AFDN: variants seen among roughly 807,000 people sequenced by gnomAD.
AFDN encodes the protein afadin.
In AFDN, 68 loss-of-function variants were observed where a neutral mutation model predicts 216.6. The ratio of observed to expected loss-of-function variants is 0.31; its 90% confidence interval spans 0.26 to 0.38. AFDN has a LOEUF of 0.38. Among genes scored for constraint, AFDN ranks in the 10% least tolerant of loss-of-function variants. The probability of loss-of-function intolerance (pLI) is 1.00; values close to 1 mark genes in which losing one functional copy is unlikely to be tolerated. For missense variants in AFDN, 2,136 were observed against 2,342.0 expected (o/e 0.91, Z 1.82); for synonymous variants, 868 against 853.7 (o/e 1.02, Z -0.29).
chr6:167,919,072 C>G (rs1414667273), intron 21 of AFDN, 139 bp downstream of exon 21: 3 of 714,058 alleles, frequency 4.2e-6, no homozygotes, highest in Non-Finnish European at 7.1e-6. Flanking sequence ...GTTCCACTGA[C>G]TTGGAGAAAT....
chr6:167,964,210 C>T, intron 31 of AFDN: 2 of 1,063,876 alleles, frequency 1.9e-6, no homozygotes, highest in Non-Finnish European at 2.3e-6. Context: ...ATTTTTATAT[C>T]AGAATGTCCA....
intron 31 of AFDN, among the ~76,000 whole-genome samples, chr6:167,965,312 G>A (rs1407797241): frequency 6.6e-6 from 1 of 152,188 alleles, no homozygotes; most frequent in East Asian, 1.9e-4. Context: ...GAAAGTGCTG[G>A]CCATAGAAAG....
At position 167,827,211 on chromosome 6, in the gene AFDN, C is replaced by T. The variant is rs1356642450; in HGVS notation, c.79C>T (p.Leu27=). 2.4e-6 allele frequency: 3 copies of T among 1,264,404 alleles called. No individual in the cohort carries two copies. The highest frequency in any genetic ancestry group is 6.5e-5 in the East Asian group (1 of 15,376). The allele number at this position is 1,264,404 out of a possible 1,614,324, so 78.3% of individuals were successfully genotyped here. Residue 27 remains leucine (L), a synonymous_variant, in exon 1 of 34, where the codon CTG becomes TTG. Coordinates refer to ENST00000683244, the MANE Select transcript of AFDN (RefSeq NM_001386888.1). ...IHHWNANRLD[L]FEISQPTEDL... is the part of the protein sequence containing the mutation. ...CCACTGGAACGCCAACCGGCTGGAC[C>T]TGTTCGAGATCAGCCAGCCGACCGA...
At chr6:167,934,960 T>C (rs543391077) in intron 23 of AFDN, among the ~76,000 whole-genome samples, 17 of 152,232 alleles carry the variant, frequency 1.1e-4, no homozygotes, top group Non-Finnish European at 2.1e-4. Context: ...AAGCAACTTA[T>C]AGGTGCGTGC....
At chr6:167,846,812 C>G (rs1257970373) in intron 1 of AFDN, among the ~76,000 whole-genome samples, 2 of 142,100 alleles carry the variant, frequency 1.4e-5, no homozygotes, top group Non-Finnish European at 3.0e-5. Flanking sequence ...GGGAGTTAAT[C>G]TATTAGAAAA....
chr6:167,906,413 C>T (rs1191939972), intron 12 of AFDN, among the ~76,000 whole-genome samples: 1 of 152,118 alleles, frequency 6.6e-6, no homozygotes, highest in East Asian at 1.9e-4. Flanking sequence ...GTAATAATCG[C>T]TAGGTGATAA....
rs1457956726 is a variant in AFDN at position 167,971,762 on chromosome 6, A to G, written c.*1827A>G. The G allele has an allele frequency of 1.4e-5, 3 of 207,644 alleles. No individual in the cohort carries two copies. The highest frequency in any genetic ancestry group is 1.6e-3 in the Middle Eastern group (1 of 640). The allele number at this position is 207,644 out of a possible 1,614,324, so 12.9% of individuals were successfully genotyped here. The stretch of plus-strand genomic sequence containing the variant: ...AACCCATACACAAGTGGATTTGGCC[A>G]TCTTTGGGCAGTGAGGTCAAATGTG... On this transcript the variant is annotated 3_prime_UTR_variant, in exon 34 of 34. Transcript: ENST00000683244.
Position 167,858,819 on chromosome 6 carries a change from T to A in AFDN, c.106-5732T>A, listed in dbSNP as rs187938302. 2.2e-3 allele frequency among the ~76,000 whole-genome samples: 341 copies of A among 152,310 alleles called. 8 individuals are homozygous for A. The highest frequency in any genetic ancestry group is 0.018 in the Admixed American group (273 of 15,298). ...CCCTGTGTGTAAGTCCATACTTTAC[T>A]GTGCTCATTTTATAAATGAGGAAAC... On this transcript the variant is annotated intron_variant, in intron 1 of 33. Coordinates refer to ENST00000683244, the MANE Select transcript of AFDN (RefSeq NM_001386888.1).
In AFDN at chr6:167,969,669, A is replaced by G. The variant is rs542372438; in HGVS notation, c.5343-113A>G. ...TCGATTATAAGAAAGGTTATAGCAC[A>G]ATTTAACAAAGAATGAGTGAAAATT... On this transcript the variant is annotated intron_variant, in intron 33 of 33. Transcript: ENST00000683244. The G allele has an allele frequency of 6.9e-4, 707 of 1,023,208 alleles. 1 individual carries two copies. The highest frequency in any genetic ancestry group is 9.2e-4 in the Non-Finnish European group (658 of 711,532). The allele number at this position is 1,023,208 out of a possible 1,614,324, so 63.4% of individuals were successfully genotyped here.
chr6:167,962,416 T>TGTCA lies in AFDN; in HGVS notation c.4834-15_4834-12dup, dbSNP rs1263821889. ...GGTGGAGTTTGTGGAGGGAGATTAA[T>TGTCA]GTCAGCCTGTTGTTAGTTGCAGGAC... is the stretch of plus-strand genomic sequence containing the variant. On this transcript the variant is annotated splice_polypyrimidine_tract_variant and intron_variant, in intron 30 of 33. Coordinates refer to ENST00000683244, the MANE Select transcript of AFDN (RefSeq NM_001386888.1). The surrounding 1 kb of genome is among the most constrained non-coding windows in gnomAD (Gnocchi z 5.2). 2 of 1,613,102 alleles carry TGTCA rather than the reference T, an allele frequency of 1.2e-6. No individual in the cohort carries two copies. The highest frequency in any genetic ancestry group is 2.7e-5 in the African/African-American group (2 of 75,010).
At chr6:167,923,057 G>T in intron 22 of AFDN, 98 bp downstream of exon 22, 1 of 799,200 alleles carries the variant, frequency 1.3e-6, no homozygotes, top group Admixed American at 2.7e-5. Context: ...TTGGTGTGAT[G>T]GCAGAGTTTT....
At chr6:167,897,793 C>T (rs990231456) in intron 10 of AFDN, among the ~76,000 whole-genome samples, 8 of 151,844 alleles carry the variant, frequency 5.3e-5, no homozygotes, top group Admixed American at 1.3e-4. Context: ...GTTACAGGCA[C>T]GCGCCACCAC....
chr6:167,890,441 GTGA>G (rs1787419934), intron 7 of AFDN, among the ~76,000 whole-genome samples: 1 of 152,150 alleles, frequency 6.6e-6, no homozygotes, highest in Non-Finnish European at 1.5e-5. Flanking sequence ...TTTTTTCGTG[GTGA>G]TTTCTGAGAT....
Position 167,962,624 on chromosome 6 carries a change from T to C in AFDN, c.4968+57T>C, listed in dbSNP as rs866995418. ...ACCAAGTTAGCCTGAACGTAATCGA[T>C]TGGCTGGGGCAGAGCGGGCTGGAAG... On this transcript the variant is annotated intron_variant, in intron 31 of 33. Transcript: ENST00000683244. The surrounding 1 kb of genome is among the most constrained non-coding windows in gnomAD (Gnocchi z 5.2). 2.5e-6 allele frequency: 4 copies of C among 1,611,374 alleles called. No homozygotes were observed. Among genetic ancestry groups the C allele is most frequent in the Non-Finnish European group, 1.7e-6 (2 of 1,177,804 alleles).
chr6:167,900,532 G>C (rs1198734413), intron 11 of AFDN, among the ~76,000 whole-genome samples: 1 of 152,172 alleles, frequency 6.6e-6, no homozygotes, highest in Non-Finnish European at 1.5e-5. Context: ...AGTCACTTTG[G>C]TTGGTCTTGT....
intron 22 of AFDN, among the ~76,000 whole-genome samples, chr6:167,923,814 G>A (rs536639466): frequency 2.6e-5 from 4 of 151,720 alleles, no homozygotes; most frequent in East Asian, 1.9e-4. Context: ...TAGTAGAGAC[G>A]GGGATTCACC....
chr6:167,941,743 ATG>A (rs1396976835), intron 23 of AFDN, among the ~76,000 whole-genome samples: 330 of 25,844 alleles, frequency 0.013, 36 homozygotes, highest in Non-Finnish European at 0.021. Context: ...CACAGGAGAG[ATG>A]TGTGGATAGA....
chr6:167,922,547 A>T (rs1791963867), intron 21 of AFDN, among the ~76,000 whole-genome samples: 1 of 152,136 alleles, frequency 6.6e-6, no homozygotes, highest in South Asian at 2.1e-4. Flanking sequence ...AGTGGAGTAA[A>T]CGGTTCTGCA....
At chr6:167,969,006 T>G (rs2128781392) in intron 32 of AFDN, 108 bp from the exon 33 acceptor site, 1 of 845,784 alleles carries the variant, frequency 1.2e-6, no homozygotes, top group South Asian at 1.5e-5. Flanking sequence ...ACCTTCCTAC[T>G]TACTCAGTAA....
Sources: allele counts gnomAD v4.1 joint callset (sites outside exome capture counted in the v4.1 genomes callset), GRCh38; gene constraint gnomAD v4.1.1; non-coding constraint Gnocchi (gnomAD v3.1); transcripts MANE v1.5; gene names NCBI Gene and HGNC (gene_info 2026-07-23, HGNC 2026-07-21).